The following DLG2 variants were observed in gnomAD, a reference collection of about 807,000 sequenced individuals.
DLG2 encodes disks large homolog 2.
A neutral mutation model predicts 132.5 loss-of-function variants in DLG2; 45 were observed. That is an observed-to-expected ratio of 0.34 (90% CI 0.27 to 0.44). The LOEUF (loss-of-function observed/expected upper bound fraction) is 0.44. DLG2 is among the 20% of genes least tolerant of loss of function. The probability of loss-of-function intolerance (pLI) is 1.00; values close to 1 mark genes in which losing one functional copy is unlikely to be tolerated. For synonymous variants in DLG2, 424 were observed against 419.6 expected (o/e 1.01, Z -0.13); for missense variants, 1,045 against 1,196.9 (o/e 0.87, Z 1.87).
intron 17 of DLG2, among the ~76,000 whole-genome samples, chr11:83,812,678 T>C (rs978920248): frequency 1.3e-5 from 2 of 152,212 alleles, no homozygotes; most frequent in African/African-American, 4.8e-5. Context: ...GCTTTGCCTG[T>C]TTCCTAACAT....
chr11:84,350,184 CAAAA>C lies in DLG2; in HGVS notation c.520-98897_520-98894del, dbSNP rs398045349. On this transcript the variant is annotated intron_variant, in intron 7 of 27. Coordinates refer to ENST00000376104, the MANE Select transcript of DLG2 (RefSeq NM_001142699.3). ...CAGAGAGAGACTTCGTCCCCCCCCC[CAAAA>C]AAAAAAAAAAAAAATCCAGGCTAAA... 2.2e-4 allele frequency among the ~76,000 whole-genome samples: 22 copies of C among 102,206 alleles called. No homozygotes were observed. The South Asian group carries it at 2.5e-3, about 11-fold the overall frequency. The allele number at this position is 102,206 out of a possible 152,430, so 67.1% of individuals were successfully genotyped here.
At chr11:84,880,256 C>G (rs913477003) in intron 6 of DLG2, among the ~76,000 whole-genome samples, 2 of 152,006 alleles carry the variant, frequency 1.3e-5, no homozygotes, top group Non-Finnish European at 2.9e-5. Context: ...TTGGCTCTCC[C>G]CTGCCTACAA....
chr11:84,690,623 G>A (rs2057923746), intron 6 of DLG2, among the ~76,000 whole-genome samples: 1 of 151,796 alleles, frequency 6.6e-6, no homozygotes, highest in Non-Finnish European at 1.5e-5. Flanking sequence ...TATTTATTGA[G>A]TAATTATTAC....
At chr11:84,166,370 C>T (rs1159099971) in intron 8 of DLG2, among the ~76,000 whole-genome samples, 1 of 151,458 alleles carries the variant, frequency 6.6e-6, no homozygotes, top group Non-Finnish European at 1.5e-5. Context: ...GGCAGGGTGG[C>T]GTGCACCTGT....
intron 19 of DLG2, 142 bp downstream of exon 19, chr11:83,633,069 G>A: frequency 1.5e-6 from 1 of 655,586 alleles, no homozygotes. Flanking sequence ...TATTCCAAAT[G>A]CTTAAACACA....
intron 18 of DLG2, among the ~76,000 whole-genome samples, chr11:83,781,268 C>T (rs1379978475): frequency 6.6e-6 from 1 of 152,158 alleles, no homozygotes; most frequent in Non-Finnish European, 1.5e-5. Flanking sequence ...TTTCTTTATA[C>T]TACTTATCAC....
intron 4 of DLG2, among the ~76,000 whole-genome samples, chr11:85,182,942 T>C (rs189293940): frequency 5.3e-5 from 8 of 151,032 alleles, no homozygotes; most frequent in Non-Finnish European, 8.9e-5. Flanking sequence ...ACAGAGTCGA[T>C]GCATCTCCCA....
At chr11:84,078,422 C>T (rs1444915704) in intron 10 of DLG2, among the ~76,000 whole-genome samples, 3 of 152,104 alleles carry the variant, frequency 2.0e-5, no homozygotes, top group Non-Finnish European at 2.9e-5. Context: ...GATTAGTTAC[C>T]TAATCATTAG....
intron 17 of DLG2, among the ~76,000 whole-genome samples, chr11:83,794,641 C>T (rs985629004): frequency 1.3e-5 from 2 of 151,918 alleles, no homozygotes; most frequent in African/African-American, 2.4e-5. Flanking sequence ...CAGGTATGTA[C>T]ATCAGAGATA....
chr11:84,649,555 G>T (rs990252693), intron 6 of DLG2, among the ~76,000 whole-genome samples: 16 of 152,178 alleles, frequency 1.1e-4, no homozygotes, highest in Non-Finnish European at 1.9e-4. Context: ...GCTACTCATA[G>T]TGGCTATGAT....
intron 7 of DLG2, among the ~76,000 whole-genome samples, chr11:84,301,323 A>G (rs2098149116): frequency 1.3e-5 from 2 of 152,148 alleles, no homozygotes; most frequent in Non-Finnish European, 2.9e-5. Flanking sequence ...TCAAAACCAC[A>G]ATGAGATACC....
chr11:84,368,281 C>CT (rs908273455), intron 7 of DLG2, among the ~76,000 whole-genome samples: 14 of 151,802 alleles, frequency 9.2e-5, no homozygotes, highest in East Asian at 5.8e-4. Context: ...CTTATTTTAG[C>CT]TTTTTTTTCC....
intron 11 of DLG2, among the ~76,000 whole-genome samples, chr11:83,991,615 T>C (rs2093715644): frequency 6.6e-6 from 1 of 152,094 alleles, no homozygotes; most frequent in African/African-American, 2.4e-5. Flanking sequence ...GCCATTCCTC[T>C]GTCCTGTCCT....
intron 6 of DLG2, among the ~76,000 whole-genome samples, chr11:84,835,235 TA>T (rs2079587089): frequency 6.6e-6 from 1 of 151,678 alleles, no homozygotes; most frequent in Non-Finnish European, 1.5e-5. Flanking sequence ...AAAATTTTTT[TA>T]ATCTCAGGAA....
At chr11:83,935,485 T>C (rs890220433) in intron 14 of DLG2, among the ~76,000 whole-genome samples, 1 of 152,168 alleles carries the variant, frequency 6.6e-6, no homozygotes, top group African/African-American at 2.4e-5. Flanking sequence ...ATACTGAACT[T>C]TAAGCAGAAA....
At chr11:84,490,232 T>G (rs2099161308) in intron 7 of DLG2, among the ~76,000 whole-genome samples, 1 of 152,144 alleles carries the variant, frequency 6.6e-6, no homozygotes, top group African/African-American at 2.4e-5. Context: ...GAGGATTAAG[T>G]AAGATTGTAT....
At chr11:84,976,305 T>C (rs72957716) in intron 6 of DLG2, among the ~76,000 whole-genome samples, 64 of 152,232 alleles carry the variant, frequency 4.2e-4, no homozygotes, top group Admixed American at 8.5e-4. Context: ...AGTTATTTAA[T>C]ACCAATTGAA....
At chr11:84,072,549 G>C (rs966852944) in intron 10 of DLG2, among the ~76,000 whole-genome samples, 1 of 152,194 alleles carries the variant, frequency 6.6e-6, no homozygotes, top group African/African-American at 2.4e-5. Flanking sequence ...AGGCAGCTGA[G>C]ACCTGAAGGC....
At chr11:84,062,037 T>A (rs1339987672) in intron 10 of DLG2, among the ~76,000 whole-genome samples, 1 of 152,198 alleles carries the variant, frequency 6.6e-6, no homozygotes, top group African/African-American at 2.4e-5. Flanking sequence ...CTTAAAACAC[T>A]GCTTTTCATA....
Sources: gnomAD v4.1 joint callset for allele counts (sites outside exome capture counted in the v4.1 genomes callset) on GRCh38, gnomAD v4.1.1 for gene constraint, MANE v1.5 for transcripts, NCBI Gene and HGNC (gene_info 2026-07-23, HGNC 2026-07-21) for gene names.